Variants in GRK4 observed in about 807,000 individuals in gnomAD.
The protein encoded by GRK4 is G protein-coupled receptor kinase 2-like.
A neutral mutation model predicts 77.9 loss-of-function variants in GRK4; 73 were observed. That is an observed-to-expected ratio of 0.94 (90% CI 0.78 to 1.14). GRK4 has a LOEUF of 1.14. Among genes scored for constraint, GRK4 ranks in the 50% most tolerant of loss-of-function variants. The pLI, the probability that GRK4 is intolerant of heterozygous loss-of-function variation, is 0.00. For missense variants in GRK4, 729 were observed against 700.2 expected, an observed-to-expected ratio of 1.04 and a Z score of -0.46; for synonymous variants, 257 against 254.4, an observed-to-expected ratio of 1.01 and a Z score of -0.10.
chr4:2,999,474 C>T (rs945039041), intron 4 of GRK4, among the ~76,000 whole-genome samples: 1 of 152,204 alleles, frequency 6.6e-6, no homozygotes, highest in Admixed American at 6.5e-5. Flanking sequence ...AACGATAACA[C>T]ATTAACAGTC....
intron 10 of GRK4, among the ~76,000 whole-genome samples, chr4:3,026,369 A>G (rs1299038849): frequency 6.6e-6 from 1 of 152,078 alleles, no homozygotes; most frequent in Non-Finnish European, 1.5e-5. Context: ...CATTTTTATA[A>G]GAAAAATAAG....
intron 8 of GRK4, among the ~76,000 whole-genome samples, 191 bp downstream of exon 8, chr4:3,014,019 C>T (rs543643012): frequency 4.7e-4 from 71 of 152,122 alleles, no homozygotes; most frequent in Non-Finnish European, 8.4e-4. Context: ...TTATTCAAAC[C>T]TTAGAAAACA....
At chr4:2,996,465 G>A (rs1409269744) in intron 4 of GRK4, among the ~76,000 whole-genome samples, 1 of 152,080 alleles carries the variant, frequency 6.6e-6, no homozygotes, top group Non-Finnish European at 1.5e-5. Flanking sequence ...TGAGGCAGGA[G>A]AATCGCTTGA....
intron 2 of GRK4, among the ~76,000 whole-genome samples, chr4:2,984,818 T>C (rs2109569029): frequency 6.6e-6 from 1 of 152,194 alleles, no homozygotes; most frequent in East Asian, 1.9e-4. Flanking sequence ...ATTAAAAATA[T>C]ATATTTTTTA....
intron 1 of GRK4, among the ~76,000 whole-genome samples, chr4:2,984,183 A>G (rs1258224081): frequency 6.6e-6 from 1 of 152,162 alleles, no homozygotes; most frequent in Non-Finnish European, 1.5e-5. Flanking sequence ...TTTTTGGTAC[A>G]TAGTAGATGC....
chr4:3,014,637 T>C (rs1733939294), intron 8 of GRK4, among the ~76,000 whole-genome samples: 1 of 151,628 alleles, frequency 6.6e-6, no homozygotes, highest in African/African-American at 2.4e-5. Flanking sequence ...CTACTAAAAA[T>C]ACAAAAAGAA....
In GRK4 at chr4:3,004,299, G is replaced by C. The variant is rs368709515; in HGVS notation, c.408G>C (p.Glu136Asp). 1 of 1,613,356 alleles carries C rather than the reference G, an allele frequency of 6.2e-7. No individual in the cohort carries two copies. Among genetic ancestry groups the C allele is most frequent in the Non-Finnish European group, 8.5e-7 (1 of 1,179,344 alleles). The change falls in exon 5 of 16, where the codon GAG (glutamate) becomes GAC (aspartate). Residue 136 changes from glutamate (E) to aspartate (D), a missense_variant. By Grantham distance (45) the Glu-to-Asp change is conservative. Coordinates refer to ENST00000398052, the MANE Select transcript of GRK4 (RefSeq NM_182982.3). The part of the protein sequence containing the change: ...VTECRLGLKE[E>D]NPSKKAFEEC... The stretch of plus-strand genomic sequence containing the variant: ...AATGTAGATTGGGACTGAAGGAGGA[G>C]AACCCTTCCAAAAAAGCCTTTGAGG...
chr4:3,007,909 T>C, intron 6 of GRK4, 81 bp downstream of exon 6: 1 of 934,582 alleles, frequency 1.1e-6, no homozygotes, highest in South Asian at 1.6e-5. Flanking sequence ...AGGCTGAGGC[T>C]GAAGGATTGC....
intron 8 of GRK4, among the ~76,000 whole-genome samples, chr4:3,014,584 A>G (rs988555744): frequency 6.6e-6 from 1 of 152,046 alleles, no homozygotes; most frequent in East Asian, 1.9e-4. Context: ...ACCTGAGGTC[A>G]GGAGTTCGAG....
In GRK4 at chr4:2,964,069, A is replaced by G; in HGVS notation, c.-2A>G. 5.6e-6 allele frequency: 9 copies of G among 1,609,068 alleles called. No individual in the cohort carries two copies. Among genetic ancestry groups the G allele is most frequent in the Non-Finnish European group, 7.6e-6 (9 of 1,179,034 alleles). On this transcript the variant is annotated 5_prime_UTR_variant, in exon 1 of 16. Transcript: ENST00000398052. Reference sequence around the variant, plus strand: ...ATCCGCCGGCGGCGGCGGCGCCAGGACATGGAGCTCGAGAACATCGTGGCC... The same window carrying G: ...ATCCGCCGGCGGCGGCGGCGCCAGGGCATGGAGCTCGAGAACATCGTGGCC...
intron 5 of GRK4, 37 bp downstream of exon 5, chr4:3,004,371 A>G (rs775055361): frequency 2.8e-5 from 36 of 1,295,818 alleles, no homozygotes; most frequent in Non-Finnish European, 3.4e-6. Flanking sequence ...TATATTATCT[A>G]TGACTAACCC....
At chr4:3,000,145 A>G (rs2995804) in intron 4 of GRK4, among the ~76,000 whole-genome samples, 1 of 151,838 alleles carries the variant, frequency 6.6e-6, no homozygotes. Flanking sequence ...ACAATGATTG[A>G]TCCTTAATGT....
intron 15 of GRK4, 53 bp downstream of exon 15, chr4:3,038,566 CAT>C: frequency 9.0e-7 from 1 of 1,107,232 alleles, no homozygotes; most frequent in Non-Finnish European, 1.3e-6. Context: ...AAAAAAAAAA[CAT>C]ACTGACTGCC....
At chr4:3,004,938 T>C (rs912026367) in intron 5 of GRK4, among the ~76,000 whole-genome samples, 16 of 151,948 alleles carry the variant, frequency 1.1e-4, no homozygotes, top group African/African-American at 3.9e-4. Flanking sequence ...TGAAGAGTAA[T>C]AATTCCATGT....
At chr4:2,981,325 A>G (rs766696737) in intron 1 of GRK4, among the ~76,000 whole-genome samples, 18 of 152,168 alleles carry the variant, frequency 1.2e-4, no homozygotes, top group Admixed American at 3.9e-4. Context: ...TTCTTGTCCC[A>G]TGTCCAGGAA....
intron 1 of GRK4, among the ~76,000 whole-genome samples, chr4:2,980,877 T>C (rs1325729217): frequency 6.6e-6 from 1 of 152,252 alleles, no homozygotes; most frequent in African/African-American, 2.4e-5. Flanking sequence ...TGTCTTTCAC[T>C]ACTGGTCCAG....
At chr4:2,979,403 C>CAAAAAAAAAAAAAAAAAAAAAAAAAAAAA (rs144374548) in intron 1 of GRK4, among the ~76,000 whole-genome samples, 1 of 59,194 alleles carries the variant, frequency 1.7e-5, no homozygotes, top group Non-Finnish European at 3.1e-5. Context: ...GACTCTGTCT[C>CAAAAAAAAAAAAAAAAAAAAAAAAAAAAA]AAAAAAAAAA....
At chr4:2,991,580 G>A (rs1288718139) in intron 3 of GRK4, among the ~76,000 whole-genome samples, 1 of 152,084 alleles carries the variant, frequency 6.6e-6, no homozygotes, top group Non-Finnish European at 1.5e-5. Flanking sequence ...GCATGATCTC[G>A]GCTCACTGCA....
chr4:3,020,529 A>G (rs1735770808), intron 9 of GRK4, among the ~76,000 whole-genome samples: 1 of 152,236 alleles, frequency 6.6e-6, no homozygotes, highest in African/African-American at 2.4e-5. Context: ...AATTTAGTAA[A>G]GAAAATTAAA....
Sources: allele counts gnomAD v4.1 joint callset (sites outside exome capture counted in the v4.1 genomes callset), GRCh38; gene constraint gnomAD v4.1.1; transcripts MANE v1.5; gene names NCBI Gene and HGNC (gene_info 2026-07-23, HGNC 2026-07-21).